KIFC1: variants seen among roughly 807,000 people sequenced by gnomAD.
KIFC1 encodes kinesin-like protein KIFC1.
In KIFC1, 37 loss-of-function variants were observed where a neutral mutation model predicts 66.6. That is an observed-to-expected ratio of 0.56 (90% confidence interval 0.43 to 0.73). The LOEUF (loss-of-function observed/expected upper bound fraction) is 0.73, where lower values mean the gene tolerates loss of function less well. KIFC1 is among the 30% of genes least tolerant of loss of function. The pLI is 0.00. For synonymous variants in KIFC1, 325 were observed against 343.5 expected, an observed-to-expected ratio of 0.95 and a Z score of 0.60; for missense variants, 721 against 859.8, an observed-to-expected ratio of 0.84 and a Z score of 2.02.
Position 33,405,222 on chromosome 6 carries a change from G to A in KIFC1, c.1127G>A (p.Arg376Gln), listed in dbSNP as rs868234339. 4 of 1,614,158 alleles carry A rather than the reference G, an allele frequency of 2.5e-6. No individual in the cohort carries two copies. Among genetic ancestry groups the A allele is most frequent in the African/African-American group, 1.3e-5 (1 of 75,062 alleles). Residue 376 changes from arginine to glutamine, a missense_variant, in exon 7 of 11, where the codon CGG becomes CAG. Transcript: ENST00000428849. This position sits in a 1 kb window ranked among gnomAD's most constrained non-coding sequence, Gnocchi z 5.4. The part of the protein sequence containing the change: ...PPTRHDFSFD[R>Q]VFPPGSGQDE... ...ACTCGCCATGATTTTTCCTTTGACC[G>A]GGTATTCCCACCAGGAAGTGGACAG... is the stretch of plus-strand genomic sequence containing the variant.
rs200816546 is a variant in KIFC1, at chr6:33,391,973, G to A, written c.-13G>A. ...CACTGCATTCCCCCGGCGCGTGTGG[G>A]ACCGAGGTGGACATGGATCCGCAGG... On this transcript the variant is annotated 5_prime_UTR_variant, in exon 1 of 11. Transcript: ENST00000428849. 3.0e-4 allele frequency: 477 copies of A among 1,614,000 alleles called. 2 individuals are homozygous for A. In the African/African-American group the frequency reaches 5.8e-3, roughly 20 times the overall value.
In KIFC1 at chr6:33,400,707, C is replaced by T. The variant is rs1775328987; in HGVS notation, c.250+2320C>T. 6.6e-6 allele frequency among the ~76,000 whole-genome samples: 1 copy of T among 152,098 alleles called. No homozygotes were observed. On this transcript the variant is annotated intron_variant, in intron 3 of 10. Transcript: ENST00000428849. This position sits in a 1 kb window ranked among gnomAD's most constrained non-coding sequence, Gnocchi z 4.3. ...TGTCGCCCAGGCTGGAGTGCAGTGG[C>T]ACAATCTCGGCTCACTGCAAGCTCC...
At chr6:33,396,637 A>G (rs1775055551) in intron 1 of KIFC1, among the ~76,000 whole-genome samples, 1 of 150,118 alleles carries the variant, frequency 6.7e-6, no homozygotes, top group Non-Finnish European at 1.5e-5. Context: ...TTAGCCCTCA[A>G]GCTTCTAGAA....
intron 1 of KIFC1, among the ~76,000 whole-genome samples, chr6:33,395,965 A>G (rs902652654): frequency 1.3e-5 from 2 of 152,200 alleles, no homozygotes; most frequent in Non-Finnish European, 2.9e-5. Flanking sequence ...ATGAACATTC[A>G]ATTTCATTCC....
rs1321581287 is a variant in KIFC1 at position 33,406,264 on chromosome 6, A to G, written c.1605A>G (p.Ser535=). The change falls in exon 8 of 11, where the codon TCA becomes TCG. Residue 535 remains serine (S), a synonymous_variant. Coordinates refer to ENST00000428849, the MANE Select transcript of KIFC1 (RefSeq NM_002263.4). This position sits in a 1 kb window ranked among gnomAD's most constrained non-coding sequence, Gnocchi z 4.5. ...AVARTAQNER[S]SRSHSVFQLQ... ...CCCGCACAGCCCAGAATGAACGGTCATCACGCAGCCACAGTGTATTCCAGC... is the reference window on the plus strand; with the variant it reads ...CCCGCACAGCCCAGAATGAACGGTCGTCACGCAGCCACAGTGTATTCCAGC... The G allele has an allele frequency of 6.2e-7, 1 of 1,614,144 alleles. No homozygotes were observed. The highest frequency in any genetic ancestry group is 8.5e-7 in the Non-Finnish European group (1 of 1,180,026).
rs771973311 is a variant in KIFC1, at chr6:33,406,576, C to T, written c.1828-16C>T. The T allele has an allele frequency of 3.1e-6, 5 of 1,613,888 alleles. No homozygotes were observed. The South Asian group carries it at 4.4e-5, about 14-fold the overall frequency. The stretch of plus-strand genomic sequence containing the variant: ...CTGCCTATTCCTAAACATCTGTCCC[C>T]ACCTCAATCATCTAGGAGTCCCACG... On this transcript the variant is annotated splice_polypyrimidine_tract_variant and intron_variant, in intron 8 of 10. Coordinates refer to ENST00000428849, the MANE Select transcript of KIFC1 (RefSeq NM_002263.4). The surrounding 1 kb of genome is among the most constrained non-coding windows in gnomAD (Gnocchi z 4.5).
intron 1 of KIFC1, among the ~76,000 whole-genome samples, chr6:33,396,871 A>T (rs1242403514): frequency 6.6e-6 from 1 of 151,480 alleles, no homozygotes; most frequent in Non-Finnish European, 1.5e-5. Flanking sequence ...TTTAGTAGAG[A>T]CGGGATTTCA....
rs1443293190 is a variant in KIFC1, at chr6:33,401,065, T to G, written c.251-2249T>G. ...ATGCTTTTTTTCTATCTAAATTTTG[T>G]TTTGGGCGGGGAGCATATATTCAGG... is the stretch of plus-strand genomic sequence containing the variant. On this transcript the variant is annotated intron_variant, in intron 3 of 10. Coordinates refer to ENST00000428849, the MANE Select transcript of KIFC1 (RefSeq NM_002263.4). The surrounding 1 kb of genome is among the most constrained non-coding windows in gnomAD (Gnocchi z 4.5). Among the ~76,000 whole-genome samples, 1 of 152,244 alleles carries G rather than the reference T, an allele frequency of 6.6e-6. No individual in the cohort carries two copies. The highest frequency in any genetic ancestry group is 1.5e-5 in the Non-Finnish European group (1 of 68,034).
chr6:33,391,649 A>C (rs1404527922), upstream of KIFC1: 1 of 518,600 alleles, frequency 1.9e-6, no homozygotes, highest in Non-Finnish European at 3.5e-6. Context: ...GTGGCACCGG[A>C]AGTGGAATTA....
Position 33,400,587 on chromosome 6 carries a change from G to C in KIFC1, c.250+2200G>C. The C allele has an allele frequency of 8.8e-7, 1 of 1,138,304 alleles. No homozygotes were observed. Among genetic ancestry groups the C allele is most frequent in the South Asian group, 1.3e-5 (1 of 77,498 alleles). The allele number at this position is 1,138,304 out of a possible 1,614,324, so 70.5% of individuals were successfully genotyped here. ...AGGCAGCTGGTGTCGGATGAACCCA[G>C]ATTCAGGATGACCGAAGAAAGTTGC... On this transcript the variant is annotated intron_variant, in intron 3 of 10. Transcript: ENST00000428849. This position sits in a 1 kb window ranked among gnomAD's most constrained non-coding sequence, Gnocchi z 4.3.
chr6:33,405,560 C>A lies in KIFC1; in HGVS notation c.1465C>A (p.Arg489Ser). The change falls in exon 7 of 11, where the codon CGT becomes AGT. Residue 489 changes from arginine (R) to serine (S), a missense_variant. Coordinates refer to ENST00000428849, the MANE Select transcript of KIFC1 (RefSeq NM_002263.4). The surrounding 1 kb of genome is among the most constrained non-coding windows in gnomAD (Gnocchi z 5.4). ...KGQGGECEIR[R>S]AGPGSEELTV... The stretch of plus-strand genomic sequence containing the variant: ...TCAAGGGGGCGAGTGTGAGATTCGC[C>A]GTGCAGGGCCAGGGAGTGAGGAGCT... The A allele has an allele frequency of 6.3e-7, 1 of 1,592,034 alleles. No individual in the cohort carries two copies. Among genetic ancestry groups the A allele is most frequent in the Non-Finnish European group, 8.5e-7 (1 of 1,170,628 alleles).
Position 33,406,932 on chromosome 6 carries a change from A to C in KIFC1, c.1977+57A>C. The C allele has an allele frequency of 6.2e-7, 1 of 1,609,070 alleles. No homozygotes were observed. Among genetic ancestry groups the C allele is most frequent in the East Asian group, 2.2e-5 (1 of 44,814 alleles). The stretch of plus-strand genomic sequence containing the variant: ...CCCGTGGGTGGTTGTAGGCTTCTCC[A>C]TTCCAATCCCTTTTGTCTTCTAGGG... On this transcript the variant is annotated intron_variant, in intron 10 of 10. Transcript: ENST00000428849. The surrounding 1 kb of genome is among the most constrained non-coding windows in gnomAD (Gnocchi z 4.5).
intron 1 of KIFC1, among the ~76,000 whole-genome samples, chr6:33,395,237 A>G (rs148327089): frequency 3.3e-5 from 5 of 152,320 alleles, no homozygotes; most frequent in Non-Finnish European, 7.3e-5. Flanking sequence ...AGGAAAAAGG[A>G]TAGTACCTGT....
rs1178020595 is a variant in KIFC1 at position 33,406,548 on chromosome 6, AC to A, written c.1828-41del. The stretch of plus-strand genomic sequence containing the variant: ...GGACAGTTGGGGTTGGCTGTGCAGA[AC>A]CCTGCCTATTCCTAAACATCTGTCC... On this transcript the variant is annotated intron_variant, in intron 8 of 10. Coordinates refer to ENST00000428849, the MANE Select transcript of KIFC1 (RefSeq NM_002263.4). The surrounding 1 kb of genome is among the most constrained non-coding windows in gnomAD (Gnocchi z 4.5). 3 of 1,613,164 alleles carry A rather than the reference AC, an allele frequency of 1.9e-6. No individual in the cohort carries two copies. In the Admixed American group the frequency reaches 5.0e-5, roughly 27 times the overall value.
rs1775649901 is a variant in KIFC1, at chr6:33,406,300, T to G, written c.1641T>G (p.Ser547=). ...ACAGTGTATTCCAGCTACAGATTTC[T>G]GGGGAGCACTCCAGCCGAGGCCTGC... is the stretch of plus-strand genomic sequence containing the variant. ...RSHSVFQLQI[S]GEHSSRGLQC... Residue 547 remains serine, a synonymous_variant, in exon 8 of 11, where the codon TCT becomes TCG. Coordinates refer to ENST00000428849, the MANE Select transcript of KIFC1 (RefSeq NM_002263.4). The surrounding 1 kb of genome is among the most constrained non-coding windows in gnomAD (Gnocchi z 4.5). 6.2e-7 allele frequency: 1 copy of G among 1,614,222 alleles called. No individual in the cohort carries two copies. Among genetic ancestry groups the G allele is most frequent in the East Asian group, 2.2e-5 (1 of 44,882 alleles).
Position 33,409,703 on chromosome 6 carries a change from ATCTGTGTGTGTGTGTGTGTG to A in KIFC1, c.*15_*34del. On this transcript the variant is annotated 3_prime_UTR_variant, in exon 11 of 11. Transcript: ENST00000428849. The stretch of plus-strand genomic sequence containing the variant: ...CAACAGGAAGTGAAGACGGATCCAG[ATCTGTGTGTGTGTGTGTGTG>A]TGTGTGTGTGTGTGTGTGTGTGTGT... The A allele has an allele frequency of 7.5e-7, 1 of 1,332,532 alleles. No individual in the cohort carries two copies. The highest frequency in any genetic ancestry group is 1.0e-6 in the Non-Finnish European group (1 of 988,506). 82.5% of individuals were successfully genotyped at this position (1,332,532 alleles called of 1,614,324 possible). A position where few individuals can be genotyped will look rare whatever the true frequency, so the allele number is the denominator to read the frequency against.
At chr6:33,392,797 T>G (rs461964) in intron 1 of KIFC1, among the ~76,000 whole-genome samples, 47,679 of 152,026 alleles carry the variant, frequency 0.31, 8,839 homozygotes, top group South Asian at 0.39. Context: ...AGAGTAGTAT[T>G]ATGTGACAGT....
At chr6:33,398,755 C>T (rs897333293) in intron 3 of KIFC1, among the ~76,000 whole-genome samples, 6 of 152,064 alleles carry the variant, frequency 3.9e-5, no homozygotes, top group African/African-American at 9.7e-5. Context: ...TGTGAGGCAC[C>T]GCACCCAGCC....
At chr6:33,393,301 A>G (rs1774875027) in intron 1 of KIFC1, among the ~76,000 whole-genome samples, 1 of 152,118 alleles carries the variant, frequency 6.6e-6, no homozygotes, top group African/African-American at 2.4e-5. Context: ...GGGGTTGCTG[A>G]TCACAGTTTG....
Sources: allele counts gnomAD v4.1 joint callset (sites outside exome capture counted in the v4.1 genomes callset), GRCh38; gene constraint gnomAD v4.1.1; non-coding constraint Gnocchi (gnomAD v3.1); transcripts MANE v1.5; gene names NCBI Gene and HGNC (gene_info 2026-07-23, HGNC 2026-07-21).